CSMD2: variants seen among roughly 807,000 people sequenced by gnomAD.
CSMD2 encodes CUB and Sushi multiple domains 2.
Under a neutral mutation model 398.5 loss-of-function variants are expected in CSMD2, and 130 were observed. The ratio of observed to expected loss-of-function variants is 0.33; its 90% CI spans 0.28 to 0.38. The LOEUF (loss-of-function observed/expected upper bound fraction) is 0.38. Ranked by LOEUF, CSMD2 falls within the 10% of genes least tolerant of loss-of-function variation. The probability of loss-of-function intolerance (pLI) is 1.00; values close to 1 mark genes in which losing one functional copy is unlikely to be tolerated. For synonymous variants in CSMD2, 1,828 were observed against 1,908.5 expected (o/e 0.96, Z 1.10); for missense variants, 3,829 against 4,764.9 (o/e 0.80, Z 5.78).
rs75925434 is a variant in CSMD2, at chr1:33,641,930, C to T, written c.4774+4718G>A. ...TGAATAAATAAATAAAAATGCCTGA[C>T]CTGCTCTTGCCCCTTCTGCAAAAGC... On this transcript the variant is annotated intron_variant, in intron 29 of 70. Coordinates refer to ENST00000373381, the MANE Select transcript of CSMD2 (RefSeq NM_001281956.2). Among the ~76,000 whole-genome samples, 702 of 152,334 alleles carry T rather than the reference C, an allele frequency of 4.6e-3. 4 individuals are homozygous for T. Among genetic ancestry groups the T allele is most frequent in the Non-Finnish European group, 8.2e-3 (560 of 68,036 alleles).
intron 3 of CSMD2, among the ~76,000 whole-genome samples, chr1:34,021,955 C>T (rs1648947606): frequency 6.6e-6 from 1 of 152,196 alleles, no homozygotes; most frequent in Non-Finnish European, 1.5e-5. Flanking sequence ...TGGCATGTCA[C>T]ACTTTAATTG....
intron 5 of CSMD2, chr1:33,861,071 T>C (rs1639461059): frequency 6.6e-6 from 1 of 152,242 alleles, no homozygotes; most frequent in Non-Finnish European, 1.5e-5. Context: ...TCCCATAGGC[T>C]TGTTATGAGG....
intron 1 of CSMD2, among the ~76,000 whole-genome samples, chr1:34,138,017 G>A (rs1256972642): frequency 6.6e-6 from 1 of 152,174 alleles, no homozygotes; most frequent in Admixed American, 6.5e-5. Context: ...AAACCAGAAT[G>A]ATAAGCAAGA....
At chr1:33,683,863 C>T (rs550982383) in intron 25 of CSMD2, among the ~76,000 whole-genome samples, 1 of 152,336 alleles carries the variant, frequency 6.6e-6, no homozygotes, top group African/African-American at 2.4e-5. Flanking sequence ...CTGTTCAGTT[C>T]CTTTAGGAGA....
intron 21 of CSMD2, among the ~76,000 whole-genome samples, chr1:33,712,306 G>A (rs533313407): frequency 4.9e-4 from 75 of 152,102 alleles, no homozygotes; most frequent in Non-Finnish European, 8.1e-4. Flanking sequence ...CTGATGTCAG[G>A]GGCTATGTCA....
intron 19 of CSMD2, among the ~76,000 whole-genome samples, chr1:33,723,296 A>C (rs1191388012): frequency 2.0e-5 from 3 of 152,258 alleles, no homozygotes; most frequent in African/African-American, 7.2e-5. Flanking sequence ...TGTTCTGAAA[A>C]CATAGATGCC....
intron 41 of CSMD2, 42 bp downstream of exon 41, chr1:33,610,999 G>A (rs867871388): frequency 1.9e-6 from 3 of 1,574,304 alleles, no homozygotes; most frequent in Non-Finnish European, 2.6e-6. Context: ...GGCAAGAGAT[G>A]GAGATAGACA....
At chr1:34,037,211 C>A (rs1295250739) in intron 2 of CSMD2, among the ~76,000 whole-genome samples, 1 of 152,200 alleles carries the variant, frequency 6.6e-6, no homozygotes, top group South Asian at 2.1e-4. Context: ...GACTTACACT[C>A]AGTCTCCCTG....
chr1:33,835,805 C>T (rs1323791427), intron 6 of CSMD2, among the ~76,000 whole-genome samples: 8 of 150,430 alleles, frequency 5.3e-5, no homozygotes, highest in South Asian at 2.1e-4. Context: ...GCCATGGGTT[C>T]GAACTTCATC....
chr1:33,744,112 G>A (rs187941547), intron 13 of CSMD2, among the ~76,000 whole-genome samples: 2 of 152,144 alleles, frequency 1.3e-5, no homozygotes, highest in Admixed American at 1.3e-4. Context: ...CTGCGTCTTC[G>A]TGCTTTGGGT....
intron 1 of CSMD2, among the ~76,000 whole-genome samples, chr1:34,159,294 T>C (rs1287697876): frequency 6.6e-6 from 1 of 151,538 alleles, no homozygotes; most frequent in Non-Finnish European, 1.5e-5. Context: ...AGATGGGTGT[T>C]TGGGGCTAGA....
intron 64 of CSMD2, among the ~76,000 whole-genome samples, chr1:33,531,594 A>G (rs1570635302): frequency 6.6e-6 from 1 of 152,248 alleles, no homozygotes; most frequent in African/African-American, 2.4e-5. Context: ...GAATGGATAA[A>G]CAAAAAGTGA....
chr1:34,049,532 C>G (rs1233131488), intron 2 of CSMD2, among the ~76,000 whole-genome samples: 1 of 152,068 alleles, frequency 6.6e-6, no homozygotes, highest in Non-Finnish European at 1.5e-5. Flanking sequence ...GCCCCCCAAC[C>G]CCAGATGCCA....
intron 29 of CSMD2, among the ~76,000 whole-genome samples, chr1:33,645,930 G>A (rs544999331): frequency 5.9e-5 from 9 of 151,440 alleles, no homozygotes; most frequent in South Asian, 4.2e-4. Flanking sequence ...ATGCAGCCAC[G>A]CCCATTTCTT....
rs1570589563 is a variant in CSMD2 at position 33,945,649 on chromosome 1, G to A, written c.518-9695C>T. Among the ~76,000 whole-genome samples, 3 of 152,286 alleles carry A rather than the reference G, an allele frequency of 2.0e-5. No individual in the cohort carries two copies. The South Asian group carries it at 6.2e-4, about 32-fold the overall frequency. On this transcript the variant is annotated intron_variant, in intron 3 of 70. Coordinates refer to ENST00000373381, the MANE Select transcript of CSMD2 (RefSeq NM_001281956.2). ...CTGCTCCTGTCACTCTCTAAGGGAA[G>A]TTCAGTTTTTCCAAACCAGTAACAC...
At chr1:33,897,025 G>C (rs1417286445) in intron 5 of CSMD2, among the ~76,000 whole-genome samples, 1 of 152,088 alleles carries the variant, frequency 6.6e-6, no homozygotes, top group African/African-American at 2.4e-5. Flanking sequence ...CAGGGTTACA[G>C]GGGGCAAGCC....
chr1:33,826,020 T>C (rs1658770204), intron 6 of CSMD2, among the ~76,000 whole-genome samples: 1 of 152,188 alleles, frequency 6.6e-6, no homozygotes, highest in Admixed American at 6.5e-5. Context: ...CTGGGTGGGC[T>C]CTGAGAGGCT....
In CSMD2 at chr1:33,550,169, C is replaced by T; in HGVS notation, c.8917+8G>A. ...CTGGAGCTCTTTCCTCAATGCCATGCACCATACCTGAGCAGTGAGGGAGGG... is the reference window on the plus strand; with the variant it reads ...CTGGAGCTCTTTCCTCAATGCCATGTACCATACCTGAGCAGTGAGGGAGGG... On this transcript the variant is annotated splice_region_variant and intron_variant, in intron 56 of 70. Coordinates refer to ENST00000373381, the MANE Select transcript of CSMD2 (RefSeq NM_001281956.2). 6.2e-7 allele frequency: 1 copy of T among 1,612,350 alleles called. No homozygotes were observed. The highest frequency in any genetic ancestry group is 1.1e-5 in the South Asian group (1 of 90,886).
chr1:33,892,625 T>C (rs561792087), intron 5 of CSMD2, among the ~76,000 whole-genome samples: 1 of 152,218 alleles, frequency 6.6e-6, no homozygotes, highest in African/African-American at 2.4e-5. Flanking sequence ...TCCAGCTCCA[T>C]CCAAGTTGCT....
Sources: allele counts gnomAD v4.1 joint callset (sites outside exome capture counted in the v4.1 genomes callset), GRCh38; gene constraint gnomAD v4.1.1; transcripts MANE v1.5; gene names NCBI Gene and HGNC (gene_info 2026-07-23, HGNC 2026-07-21).